Variants in RCOR3 observed in about 807,000 individuals in gnomAD.
RCOR3 encodes REST corepressor 3.
Under a neutral mutation model 64.1 loss-of-function variants are expected in RCOR3, and 13 were observed. The observed-to-expected ratio is 0.20, with a 90% confidence interval of 0.13 to 0.32. The LOEUF is 0.32. RCOR3 is among the 10% of genes least tolerant of loss of function. RCOR3 has a pLI of 1.00. For synonymous variants in RCOR3, 215 were observed against 239.0 expected (o/e 0.90, Z 0.93); for missense variants, 489 against 701.2 (o/e 0.70, Z 3.42).
At position 211,259,641 on chromosome 1, in the gene RCOR3, C is replaced by T; in HGVS notation, c.81C>T (p.Gly27=). ...ACGGCAGCGCCAAGAGCCCGGCAGGCGGCGGCGGCAGCGGCGCCTCGTCCA... is the reference window on the plus strand; with the variant it reads ...ACGGCAGCGCCAAGAGCCCGGCAGGTGGCGGCGGCAGCGGCGCCTCGTCCA... ...SANGSAKSPA[G]GGGSGASSTN... is the part of the protein sequence containing the mutation. The change falls in exon 1 of 12, where the codon GGC becomes GGT. Residue 27 remains glycine (G), a synonymous_variant. Coordinates refer to ENST00000419091, the MANE Select transcript of RCOR3 (RefSeq NM_001136223.3). 6 of 1,546,408 alleles carry T rather than the reference C, an allele frequency of 3.9e-6. No homozygotes were observed. The African/African-American group carries it at 5.5e-5, about 14-fold the overall frequency.
intron 2 of RCOR3, among the ~76,000 whole-genome samples, chr1:211,262,859 T>C (rs1311658916): frequency 8.1e-6 from 1 of 123,876 alleles, no homozygotes; most frequent in African/African-American, 2.6e-5. Context: ...TTATCTTTAT[T>C]TTTTAAACAA....
chr1:211,273,696 C>G (rs1185549576), intron 3 of RCOR3, among the ~76,000 whole-genome samples: 2 of 152,100 alleles, frequency 1.3e-5, no homozygotes, highest in Non-Finnish European at 2.9e-5. Context: ...GCAGGAAGAG[C>G]TGAAGAAAAT....
chr1:211,275,355 C>G lies in RCOR3; in HGVS notation c.355-902C>G, dbSNP rs75206819. Among the ~76,000 whole-genome samples the G allele has an allele frequency of 7.2e-3, 1,094 of 151,874 alleles. 13 individuals carry two copies. Among genetic ancestry groups the G allele is most frequent in the African/African-American group, 0.022 (896 of 41,476 alleles). ...GTTAACTTTTTTGTGGATTTTGAAG[C>G]CTTTGATTGCCTATTTTGTTTTTAA... On this transcript the variant is annotated intron_variant, in intron 4 of 11. Coordinates refer to ENST00000419091, the MANE Select transcript of RCOR3 (RefSeq NM_001136223.3).
chr1:211,302,389 T>A (rs1316676120), intron 9 of RCOR3: 1 of 152,162 alleles, frequency 6.6e-6, no homozygotes, highest in African/African-American at 2.4e-5. Context: ...AAAAAAGTGA[T>A]CACTCACAGG....
At chr1:211,292,711 G>T (rs1699386239) in intron 8 of RCOR3, among the ~76,000 whole-genome samples, 1 of 152,134 alleles carries the variant, frequency 6.6e-6, no homozygotes, top group Admixed American at 6.5e-5. Context: ...GTCTCAGTGA[G>T]TAGTGCCACA....
In RCOR3 at chr1:211,276,334, G is replaced by A; in HGVS notation, c.432G>A (p.Pro144=). ...LADLPNFTPF[P]DEWTVEDKVL... ...ATCTCCCTAATTTCACTCCCTTTCC[G>A]GATGAGTGGACAGTGGAAGATAAAG... is the stretch of plus-strand genomic sequence containing the variant. Residue 144 remains proline, a synonymous_variant, in exon 5 of 12, where the codon CCG becomes CCA. Transcript: ENST00000419091. The A allele has an allele frequency of 6.2e-7, 1 of 1,613,890 alleles. No homozygotes were observed. Among genetic ancestry groups the A allele is most frequent in the Non-Finnish European group, 8.5e-7 (1 of 1,179,866 alleles).
In RCOR3 at chr1:211,312,509, T is replaced by G; in HGVS notation, c.1076-211T>G. 1.5e-6 allele frequency: 1 copy of G among 645,718 alleles called. No homozygotes were observed. The highest frequency in any genetic ancestry group is 2.9e-6 in the Non-Finnish European group (1 of 350,384). 40.0% of individuals were successfully genotyped at this position (645,718 alleles called of 1,614,324 possible). On this transcript the variant is annotated intron_variant, in intron 10 of 11. Coordinates refer to ENST00000419091, the MANE Select transcript of RCOR3 (RefSeq NM_001136223.3). The surrounding 1 kb of genome is among the most constrained non-coding windows in gnomAD (Gnocchi z 5.0). Reference sequence around the variant, plus strand: ...AATGGTAAGTTTCTGATTGTTCAGTTGAAGGCAAGTGGCTGGCTCGATGAA... The same window carrying G: ...AATGGTAAGTTTCTGATTGTTCAGTGGAAGGCAAGTGGCTGGCTCGATGAA...
At chr1:211,272,660 C>T (rs1204885918) in intron 3 of RCOR3, among the ~76,000 whole-genome samples, 1 of 105,434 alleles carries the variant, frequency 9.5e-6, no homozygotes, top group East Asian at 2.9e-4. Context: ...CTCGCTCTGT[C>T]GCCCAGGCTG....
intron 2 of RCOR3, among the ~76,000 whole-genome samples, chr1:211,265,337 T>A (rs540435885): frequency 1.7e-4 from 26 of 152,294 alleles, no homozygotes; most frequent in Middle Eastern, 3.4e-3. Flanking sequence ...ATTCTCAAAG[T>A]TTACATTGTT....
At chr1:211,299,935 T>G (rs1007178767) in intron 9 of RCOR3, among the ~76,000 whole-genome samples, 2 of 152,130 alleles carry the variant, frequency 1.3e-5, no homozygotes, top group African/African-American at 4.8e-5. Flanking sequence ...CAATAACTTA[T>G]GTGAGTCCTG....
chr1:211,277,173 T>C (rs185140202), intron 5 of RCOR3, among the ~76,000 whole-genome samples: 50 of 151,894 alleles, frequency 3.3e-4, no homozygotes, highest in East Asian at 1.5e-3. Context: ...TTCTTTCTTT[T>C]TTTTTTAATG....
intron 10 of RCOR3, among the ~76,000 whole-genome samples, chr1:211,308,698 T>TGTGTG (rs1336986082): frequency 7.1e-4 from 29 of 40,866 alleles, no homozygotes; most frequent in African/African-American, 1.8e-3. Flanking sequence ...TTTTTTTTTT[T>TGTGTG]TGTGTAGTCC....
chr1:211,261,448 T>C (rs1397915553), intron 2 of RCOR3, among the ~76,000 whole-genome samples: 1 of 152,202 alleles, frequency 6.6e-6, no homozygotes, highest in Admixed American at 6.5e-5. Context: ...AATGACTGGC[T>C]GGGAATACAT....
At position 211,312,566 on chromosome 1, in the gene RCOR3, C is replaced by A; in HGVS notation, c.1076-154C>A. The A allele has an allele frequency of 1.5e-6, 1 of 686,412 alleles. No individual in the cohort carries two copies. The highest frequency in any genetic ancestry group is 2.6e-6 in the Non-Finnish European group (1 of 384,526). 42.5% of individuals were successfully genotyped at this position (686,412 alleles called of 1,614,324 possible). A position where few individuals can be genotyped will look rare whatever the true frequency, so the allele number is the denominator to read the frequency against. On this transcript the variant is annotated intron_variant, in intron 10 of 11. Transcript: ENST00000419091. This position sits in a 1 kb window ranked among gnomAD's most constrained non-coding sequence, Gnocchi z 5.0. ...TAACTGATAGTTTTCATCTGTGACC[C>A]TGATATCTTAGCCTCTATCTCAGAA...
intron 7 of RCOR3, 32 bp from the exon 8 acceptor site, chr1:211,289,146 A>C: frequency 1.3e-6 from 2 of 1,534,748 alleles, no homozygotes; most frequent in Non-Finnish European, 1.8e-6. Flanking sequence ...GTGAAAACCA[A>C]GTGACCTGTT....
chr1:211,295,489 G>A (rs1042869839), intron 8 of RCOR3, among the ~76,000 whole-genome samples, 187 bp from the exon 9 acceptor site: 1 of 152,158 alleles, frequency 6.6e-6, no homozygotes, highest in African/African-American at 2.4e-5. Context: ...TCTGTTAGAT[G>A]TTTAATTAGT....
At chr1:211,304,273 AC>A in intron 10 of RCOR3, 133 bp downstream of exon 10, 1 of 559,042 alleles carries the variant, frequency 1.8e-6, no homozygotes, top group Non-Finnish European at 2.9e-6. Context: ...AGTCCTGGTG[AC>A]CAGGAATTCT....
chr1:211,282,605 TCTC>T (rs1182475959), intron 7 of RCOR3, among the ~76,000 whole-genome samples: 3 of 151,848 alleles, frequency 2.0e-5, no homozygotes, highest in Non-Finnish European at 4.4e-5. Context: ...CTCAAGCAAT[TCTC>T]CTGCCTCAGC....
chr1:211,306,108 A>G (rs919689817), intron 10 of RCOR3, among the ~76,000 whole-genome samples: 3 of 152,150 alleles, frequency 2.0e-5, no homozygotes, highest in South Asian at 4.1e-4. Flanking sequence ...TACATAAAAT[A>G]AAACTATATA....
Sources: gnomAD v4.1 joint callset for allele counts (sites outside exome capture counted in the v4.1 genomes callset) on GRCh38, gnomAD v4.1.1 for gene constraint, Gnocchi (gnomAD v3.1) non-coding constraint, MANE v1.5 for transcripts, NCBI Gene and HGNC (gene_info 2026-07-23, HGNC 2026-07-21) for gene names.